SYNDIG1: variants seen among roughly 807,000 people sequenced by gnomAD.
SYNDIG1 encodes the protein synapse differentiation inducing 1, also known as synapse differentiation-inducing gene protein 1.
Under a neutral mutation model 19.4 loss-of-function variants are expected in SYNDIG1, and 9 were observed. The observed-to-expected ratio is 0.46, with a 90% confidence interval of 0.28 to 0.81. The LOEUF (loss-of-function observed/expected upper bound fraction) is 0.81, where lower values mean the gene tolerates loss of function less well. Among genes scored for constraint, SYNDIG1 ranks in the 30% least tolerant of loss-of-function variants. The probability of loss-of-function intolerance (pLI) is 0.12; values close to 1 mark genes in which losing one functional copy is unlikely to be tolerated. For missense variants in SYNDIG1, 311 were observed against 343.3 expected (o/e 0.91, Z 0.74); for synonymous variants, 141 against 145.9 (o/e 0.97, Z 0.24).
intron 1 of SYNDIG1, among the ~76,000 whole-genome samples, chr20:24,511,493 A>G (rs6114748): frequency 0.11 from 16,500 of 152,080 alleles, 1,250 homozygotes; most frequent in African/African-American, 0.21. Context: ...TTCACTGGAT[A>G]CGTTATTCTC....
At chr20:24,513,869 C>A (rs1480777712) in intron 1 of SYNDIG1, among the ~76,000 whole-genome samples, 9 of 152,112 alleles carry the variant, frequency 5.9e-5, no homozygotes, top group Admixed American at 2.0e-4. Flanking sequence ...TAAGGGCAGC[C>A]AGAGAGAAAG....
chr20:24,577,572 A>C (rs1407913492), intron 2 of SYNDIG1, among the ~76,000 whole-genome samples: 1 of 152,148 alleles, frequency 6.6e-6, no homozygotes, highest in Non-Finnish European at 1.5e-5. Flanking sequence ...ACTTCCACAC[A>C]CCTGTGATGT....
intron 1 of SYNDIG1, among the ~76,000 whole-genome samples, chr20:24,531,189 G>A (rs1040316270): frequency 1.3e-5 from 2 of 152,082 alleles, no homozygotes; most frequent in Non-Finnish European, 2.9e-5. Flanking sequence ...CTGCTACAGA[G>A]ATGGTCTTAT....
intron 3 of SYNDIG1, among the ~76,000 whole-genome samples, chr20:24,657,527 C>G (rs1457153197): frequency 2.0e-5 from 3 of 152,202 alleles, no homozygotes. Context: ...CAGTCCATCT[C>G]CTCCCTGCCA....
chr20:24,650,921 C>T (rs547314977), intron 3 of SYNDIG1, among the ~76,000 whole-genome samples: 1 of 152,174 alleles, frequency 6.6e-6, no homozygotes, highest in South Asian at 2.1e-4. Flanking sequence ...CTGCAACCCC[C>T]GCCTCCAGGG....
At chr20:24,471,686 T>C (rs1417590456) in intron 1 of SYNDIG1, among the ~76,000 whole-genome samples, 1 of 151,854 alleles carries the variant, frequency 6.6e-6, no homozygotes, top group African/African-American at 2.4e-5. Flanking sequence ...TTGTACACAG[T>C]GACAGACAGA....
intron 2 of SYNDIG1, among the ~76,000 whole-genome samples, chr20:24,556,671 A>T (rs184895384): frequency 6.6e-6 from 1 of 152,166 alleles, no homozygotes; most frequent in Non-Finnish European, 1.5e-5. Flanking sequence ...CTGCCAAGAG[A>T]TCCACTGTTA....
chr20:24,568,164 A>G (rs1029014669), intron 2 of SYNDIG1, among the ~76,000 whole-genome samples: 3 of 152,152 alleles, frequency 2.0e-5, no homozygotes, highest in African/African-American at 7.2e-5. Context: ...AAAAGAAAGA[A>G]AAAGAAATGC....
At chr20:24,533,334 A>T (rs1009550665) in intron 1 of SYNDIG1, among the ~76,000 whole-genome samples, 1 of 152,142 alleles carries the variant, frequency 6.6e-6, no homozygotes, top group Non-Finnish European at 1.5e-5. Context: ...GTGAAGGCAG[A>T]TATTTACCCC....
chr20:24,508,618 A>G (rs544944579), intron 1 of SYNDIG1, among the ~76,000 whole-genome samples: 17 of 152,366 alleles, frequency 1.1e-4, no homozygotes, highest in Middle Eastern at 3.4e-3. Flanking sequence ...AAATGAACAA[A>G]CAAAAAAACT....
At chr20:24,498,665 G>T (rs909378946) in intron 1 of SYNDIG1, among the ~76,000 whole-genome samples, 1 of 152,166 alleles carries the variant, frequency 6.6e-6, no homozygotes, top group South Asian at 2.1e-4. Flanking sequence ...CTCATGTCAT[G>T]TATGTAGATG....
intron 1 of SYNDIG1, among the ~76,000 whole-genome samples, chr20:24,514,310 A>G (rs1193525297): frequency 1.3e-5 from 2 of 152,244 alleles, no homozygotes; most frequent in Admixed American, 6.5e-5. Flanking sequence ...AATTGCTCCA[A>G]TTAAAAGACA....
chr20:24,587,301 T>G (rs2058433055), intron 3 of SYNDIG1, among the ~76,000 whole-genome samples: 1 of 151,996 alleles, frequency 6.6e-6, no homozygotes, highest in African/African-American at 2.4e-5. Context: ...AGAGAAGAGG[T>G]GCTAACACTT....
At chr20:24,623,561 G>A (rs2059071574) in intron 3 of SYNDIG1, among the ~76,000 whole-genome samples, 1 of 152,166 alleles carries the variant, frequency 6.6e-6, no homozygotes, top group Non-Finnish European at 1.5e-5. Context: ...AGCAAAAATA[G>A]TGATGCTGGC....
intron 2 of SYNDIG1, among the ~76,000 whole-genome samples, chr20:24,551,155 T>C (rs2057699507): frequency 6.6e-6 from 1 of 152,250 alleles, no homozygotes. Context: ...TGGGAAGATT[T>C]TCAATTACTG....
intron 3 of SYNDIG1, among the ~76,000 whole-genome samples, chr20:24,630,208 CA>C (rs61563835): frequency 0.41 from 62,152 of 151,846 alleles, 12,992 homozygotes; most frequent in Admixed American, 0.48. Flanking sequence ...CAGGGGAGTA[CA>C]AAACGAAAAC....
At chr20:24,478,787 T>G (rs1307121915) in intron 1 of SYNDIG1, among the ~76,000 whole-genome samples, 1 of 152,182 alleles carries the variant, frequency 6.6e-6, no homozygotes, top group Non-Finnish European at 1.5e-5. Flanking sequence ...CCAGGAGTCA[T>G]GCACTTAGAA....
At chr20:24,584,624 A>G (rs1410183912) in intron 2 of SYNDIG1, among the ~76,000 whole-genome samples, 1 of 152,210 alleles carries the variant, frequency 6.6e-6, no homozygotes, top group Non-Finnish European at 1.5e-5. Flanking sequence ...AGAGCCCCGT[A>G]CTTGGCATTA....
At chr20:24,558,151 C>A (rs1466241809) in intron 2 of SYNDIG1, among the ~76,000 whole-genome samples, 1 of 152,166 alleles carries the variant, frequency 6.6e-6, no homozygotes, top group Admixed American at 6.5e-5. Context: ...AGTTTCGGTT[C>A]TTCACTACTT....
Sources: allele counts gnomAD v4.1 joint callset (sites outside exome capture counted in the v4.1 genomes callset), GRCh38; gene constraint gnomAD v4.1.1; transcripts MANE v1.5; gene names NCBI Gene and HGNC (gene_info 2026-07-23, HGNC 2026-07-21).